The following NFIA variants were observed in gnomAD, a reference collection of about 807,000 sequenced individuals.
The protein encoded by NFIA is nuclear factor I A.
NFIA carries 8 observed loss-of-function variants against 62.8 expected under a neutral mutation model. The observed-to-expected ratio is 0.13, with a 90% confidence interval of 0.07 to 0.23. The LOEUF is 0.23. Among genes scored for constraint, NFIA ranks in the 10% least tolerant of loss-of-function variants. NFIA has a pLI of 1.00. For missense variants in NFIA, 410 were observed against 642.1 expected (o/e 0.64, Z 3.91); for synonymous variants, 235 against 238.1 (o/e 0.99, Z 0.12).
At chr1:61,227,943 T>C (rs1441334798) in intron 2 of NFIA, among the ~76,000 whole-genome samples, 1 of 152,220 alleles carries the variant, frequency 6.6e-6, no homozygotes, top group Non-Finnish European at 1.5e-5. Flanking sequence ...CTGACCAATT[T>C]ATTATTTTCT....
At chr1:61,225,365 C>G (rs1654265478) in intron 2 of NFIA, among the ~76,000 whole-genome samples, 1 of 151,980 alleles carries the variant, frequency 6.6e-6, no homozygotes, top group African/African-American at 2.4e-5. Flanking sequence ...ATTCTCCTGC[C>G]TCAGCCTCCT....
At chr1:61,089,636 G>A (rs1646281154) in intron 2 of NFIA, among the ~76,000 whole-genome samples, 2 of 151,272 alleles carry the variant, frequency 1.3e-5, no homozygotes, top group Admixed American at 6.6e-5. Flanking sequence ...GGAAGAAAGA[G>A]GGTTGTGGAA....
At chr1:61,296,943 C>A (rs1659218779) in intron 3 of NFIA, among the ~76,000 whole-genome samples, 1 of 152,104 alleles carries the variant, frequency 6.6e-6, no homozygotes, top group African/African-American at 2.4e-5. Context: ...CTTGCTAAGA[C>A]AATTTTTTTG....
At chr1:61,277,481 AGACCCTG>A (rs1480616291) in intron 2 of NFIA, 32 bp from the exon 3 acceptor site, 2 of 1,608,102 alleles carry the variant, frequency 1.2e-6, no homozygotes, top group Non-Finnish European at 1.7e-6. Flanking sequence ...TTTCCCTTGC[AGACCCTG>A]TAATTTTTGG....
chr1:61,418,048 T>G (rs1321569917), intron 9 of NFIA, among the ~76,000 whole-genome samples: 1 of 152,214 alleles, frequency 6.6e-6, no homozygotes, highest in Admixed American at 6.5e-5. Flanking sequence ...GATTTGCTGG[T>G]TTTTAAAATT....
At chr1:61,370,509 A>G (rs912395185) in intron 6 of NFIA, among the ~76,000 whole-genome samples, 1 of 152,218 alleles carries the variant, frequency 6.6e-6, no homozygotes, top group East Asian at 1.9e-4. Flanking sequence ...AAACTGAGGT[A>G]GAATGGCAAA....
chr1:61,380,967 C>T (rs185144952), intron 6 of NFIA, among the ~76,000 whole-genome samples: 59 of 152,050 alleles, frequency 3.9e-4, no homozygotes, highest in African/African-American at 1.3e-3. Flanking sequence ...AATATTTCTG[C>T]AGTATTTAGA....
chr1:61,081,685 C>G (rs375559828), upstream of NFIA: 17 of 546,276 alleles, frequency 3.1e-5, no homozygotes, highest in African/African-American at 3.1e-4. Flanking sequence ...TAATCTCCGC[C>G]TTCTTTTCTC....
intron 9 of NFIA, among the ~76,000 whole-genome samples, chr1:61,407,050 A>G (rs573120394): frequency 4.6e-5 from 7 of 152,330 alleles, no homozygotes; most frequent in Admixed American, 2.0e-4. Context: ...AGCTACTTAC[A>G]TGGATTCTGC....
At chr1:61,310,736 C>G (rs950355306) in intron 3 of NFIA, among the ~76,000 whole-genome samples, 1 of 147,870 alleles carries the variant, frequency 6.8e-6, no homozygotes, top group African/African-American at 2.6e-5. Flanking sequence ...CCCCTCCCCT[C>G]TCATCCCCTC....
chr1:61,451,543 AC>A (rs542552262), intron 10 of NFIA, among the ~76,000 whole-genome samples: 78 of 152,234 alleles, frequency 5.1e-4, no homozygotes, highest in Middle Eastern at 3.4e-3. Flanking sequence ...GAGGACAGTC[AC>A]CCCACTTCCC....
intron 10 of NFIA, among the ~76,000 whole-genome samples, chr1:61,433,654 T>G (rs768323703): frequency 6.6e-6 from 1 of 152,182 alleles, no homozygotes; most frequent in Non-Finnish European, 1.5e-5. Context: ...GCTTTCATTG[T>G]TTGGTTAATA....
intron 2 of NFIA, among the ~76,000 whole-genome samples, chr1:61,156,615 A>C (rs334713): frequency 0.92 from 140,060 of 152,272 alleles, 64,669 homozygotes; most frequent in Middle Eastern, 0.97. Context: ...TCAGTAAGAC[A>C]TTCCTTTTAC....
At chr1:61,162,102 G>T (rs373722052) in intron 2 of NFIA, among the ~76,000 whole-genome samples, 26 of 152,280 alleles carry the variant, frequency 1.7e-4, no homozygotes, top group African/African-American at 6.3e-4. Context: ...GAGAAGCTAT[G>T]TACATGTATT....
In NFIA at chr1:61,277,524, A is replaced by C; in HGVS notation, c.564A>C (p.Ser188=). ...YLAYFVHAAD[S]SQSESPSQPS... ...CTGTATTTTTATGTTTTTCAGATTC[A>C]AGTCAATCTGAAAGTCCCAGCCAGC... The change falls in exon 3 of 11, where the codon TCA becomes TCC. Residue 188 remains serine, a synonymous_variant. Transcript: ENST00000403491. The C allele has an allele frequency of 1.9e-6, 3 of 1,613,644 alleles. No individual in the cohort carries two copies. The African/African-American group carries it at 4.0e-5, about 22-fold the overall frequency.
rs117841238 is a variant in NFIA, at chr1:61,411,682, A to G, written c.1420+4955A>G. Among the ~76,000 whole-genome samples the G allele has an allele frequency of 5.3e-5, 8 of 152,100 alleles. No individual in the cohort carries two copies. In the East Asian group the frequency reaches 1.6e-3, roughly 30 times the overall value. The stretch of plus-strand genomic sequence containing the variant: ...TGAGTACGAAAGGTACGTAGGATAT[A>G]AGATGGTGATATGTAAGTGCTACAT... On this transcript the variant is annotated intron_variant, in intron 9 of 10. Coordinates refer to ENST00000403491, the MANE Select transcript of NFIA (RefSeq NM_001134673.4).
intron 7 of NFIA, among the ~76,000 whole-genome samples, chr1:61,398,628 A>G (rs1035494935): frequency 3.9e-5 from 6 of 152,090 alleles, no homozygotes; most frequent in African/African-American, 7.3e-5. Context: ...GTTAAAAGAT[A>G]TGTACCATAT....
intron 2 of NFIA, among the ~76,000 whole-genome samples, chr1:61,135,270 G>C (rs1647161512): frequency 6.6e-6 from 1 of 152,206 alleles, no homozygotes; most frequent in African/African-American, 2.4e-5. Flanking sequence ...TAAGAGAACT[G>C]AGGCCCAGGT....
chr1:61,324,336 G>A (rs1172340701), intron 3 of NFIA, among the ~76,000 whole-genome samples: 1 of 152,140 alleles, frequency 6.6e-6, no homozygotes, highest in Admixed American at 6.5e-5. Flanking sequence ...GAGAAGCCTG[G>A]TAATCATTGG....
Sources: gnomAD v4.1 joint callset for allele counts (sites outside exome capture counted in the v4.1 genomes callset) on GRCh38, gnomAD v4.1.1 for gene constraint, MANE v1.5 for transcripts, NCBI Gene and HGNC (gene_info 2026-07-23, HGNC 2026-07-21) for gene names.